The following RHEB variants were observed in gnomAD, a reference collection of about 807,000 sequenced individuals.
RHEB encodes GTP-binding protein Rheb.
Under a neutral mutation model 28.8 loss-of-function variants are expected in RHEB, and 2 were observed. The observed-to-expected ratio is 0.07, with a 90% CI of 0.03 to 0.22. The LOEUF (loss-of-function observed/expected upper bound fraction) is 0.22. Among genes scored for constraint, RHEB ranks in the 10% least tolerant of loss-of-function variants. RHEB has a pLI of 1.00. For synonymous variants in RHEB, 69 were observed against 77.3 expected, an observed-to-expected ratio of 0.89 and a Z score of 0.56; for missense variants, 76 against 219.9, an observed-to-expected ratio of 0.35 and a Z score of 4.14.
chr7:151,496,799 AGACAGAGTCTTGCTCT>A (rs1157488265), intron 1 of RHEB, among the ~76,000 whole-genome samples: 1 of 151,936 alleles, frequency 6.6e-6, no homozygotes, highest in Non-Finnish European at 1.5e-5. Flanking sequence ...TGTTTTTTTG[AGACAGAGTCTTGCTCT>A]GTTGCCCAGG....
intron 3 of RHEB, among the ~76,000 whole-genome samples, chr7:151,479,144 A>G (rs1802326813): frequency 1.3e-5 from 2 of 152,192 alleles, no homozygotes; most frequent in East Asian, 1.9e-4. Context: ...AGACTGAAAA[A>G]TCCAGAAAGA....
At chr7:151,483,662 G>A (rs1247575122) in intron 3 of RHEB, among the ~76,000 whole-genome samples, 1 of 152,182 alleles carries the variant, frequency 6.6e-6, no homozygotes, top group Non-Finnish European at 1.5e-5. Flanking sequence ...GTTGTAGTGG[G>A]ATAGCACCAC....
chr7:151,483,694 G>C (rs1802418578), intron 3 of RHEB, among the ~76,000 whole-genome samples: 1 of 152,138 alleles, frequency 6.6e-6, no homozygotes, highest in African/African-American at 2.4e-5. Flanking sequence ...CTGGGTGACA[G>C]AGCAAGACTC....
intron 1 of RHEB, among the ~76,000 whole-genome samples, chr7:151,513,737 C>G (rs1803029849): frequency 6.6e-6 from 1 of 152,128 alleles, no homozygotes; most frequent in Non-Finnish European, 1.5e-5. Flanking sequence ...TATTCAACTA[C>G]CTGAAAAACT....
At chr7:151,508,013 A>C (rs1802918510) in intron 1 of RHEB, among the ~76,000 whole-genome samples, 1 of 152,200 alleles carries the variant, frequency 6.6e-6, no homozygotes, top group Non-Finnish European at 1.5e-5. Context: ...TTAAAGACAA[A>C]GCTGAGGTGG....
chr7:151,515,686 T>C (rs80251018), intron 1 of RHEB, among the ~76,000 whole-genome samples: 7 of 152,344 alleles, frequency 4.6e-5, no homozygotes, highest in East Asian at 3.9e-4. Context: ...CAACAAATGA[T>C]AGGTTAACTT....
chr7:151,503,561 A>G (rs1802811003), intron 1 of RHEB: 1 of 558,050 alleles, frequency 1.8e-6, no homozygotes, highest in Non-Finnish European at 3.2e-6. Flanking sequence ...CAACTGAAAC[A>G]CTTCCAGAAC....
At chr7:151,508,041 C>T (rs1355389846) in intron 1 of RHEB, among the ~76,000 whole-genome samples, 1 of 152,070 alleles carries the variant, frequency 6.6e-6, no homozygotes, top group African/African-American at 2.4e-5. Flanking sequence ...CAATAATAGC[C>T]CTGATAAACT....
Position 151,519,706 on chromosome 7 carries a change from C to A in RHEB, c.-195G>T, listed in dbSNP as rs2150942905. 1.3e-5 allele frequency: 5 copies of A among 377,170 alleles called. No homozygotes were observed. Among genetic ancestry groups the A allele is most frequent in the Non-Finnish European group, 2.3e-5 (5 of 215,776 alleles). 23.4% of individuals were successfully genotyped at this position (377,170 alleles called of 1,614,324 possible). On this transcript the variant is annotated 5_prime_UTR_variant, in exon 1 of 8. Transcript: ENST00000262187. Reference sequence around the variant, plus strand: ...CCGACCGCGCGGCGGCGCCCCTCCCCCCCACAACACGCCCACGTGACCGGC... The same window carrying A: ...CCGACCGCGCGGCGGCGCCCCTCCCACCCACAACACGCCCACGTGACCGGC...
chr7:151,501,881 G>T, intron 1 of RHEB: 1 of 650,584 alleles, frequency 1.5e-6, no homozygotes, highest in South Asian at 1.4e-5. Flanking sequence ...CAAGAAGATG[G>T]TGGACGACCC....
chr7:151,474,995 G>A (rs7805967), intron 4 of RHEB, among the ~76,000 whole-genome samples: 78,875 of 152,010 alleles, frequency 0.52, 20,805 homozygotes, highest in South Asian at 0.65. Flanking sequence ...ATGAGTTACT[G>A]AGGTAAAAGG....
At chr7:151,476,853 G>C (rs1449029674) in intron 4 of RHEB, among the ~76,000 whole-genome samples, 2 of 152,320 alleles carry the variant, frequency 1.3e-5, no homozygotes, top group East Asian at 1.9e-4. Flanking sequence ...TACGTAGCTA[G>C]AGGAACCGAT....
chr7:151,471,692 A>G (rs768649537), intron 4 of RHEB, 87 bp from the exon 5 acceptor site: 11 of 830,424 alleles, frequency 1.3e-5, no homozygotes, highest in Non-Finnish European at 2.2e-5. Flanking sequence ...AAAAATGTAA[A>G]ATGTCACAGA....
intron 3 of RHEB, among the ~76,000 whole-genome samples, chr7:151,480,685 TATTA>T (rs1159047259): frequency 4.7e-5 from 7 of 149,786 alleles, no homozygotes; most frequent in Admixed American, 6.6e-5. Context: ...TATTATTAAT[TATTA>T]TTTTTTTTTT....
chr7:151,498,966 A>G (rs1802721040), intron 1 of RHEB, among the ~76,000 whole-genome samples: 1 of 152,252 alleles, frequency 6.6e-6, no homozygotes, highest in Non-Finnish European at 1.5e-5. Flanking sequence ...TATCTGTTAA[A>G]CAGCTATTAA....
At chr7:151,503,052 GA>G in intron 1 of RHEB, 1 of 790,436 alleles carries the variant, frequency 1.3e-6, no homozygotes, top group South Asian at 1.3e-5. Context: ...CAGGACACGC[GA>G]AAGTACTGTT....
intron 3 of RHEB, among the ~76,000 whole-genome samples, chr7:151,478,739 G>A (rs1802320043): frequency 6.6e-6 from 1 of 152,112 alleles, no homozygotes; most frequent in East Asian, 1.9e-4. Context: ...AGGTTCAAGC[G>A]ATTCTCCTGC....
At chr7:151,518,269 T>C (rs923652861) in intron 1 of RHEB, among the ~76,000 whole-genome samples, 2 of 152,130 alleles carry the variant, frequency 1.3e-5, no homozygotes, top group Non-Finnish European at 2.9e-5. Flanking sequence ...CAGTGGCTGA[T>C]CTTGGTCAAA....
chr7:151,493,482 ACACTC>A (rs1802620911), intron 1 of RHEB, among the ~76,000 whole-genome samples: 1 of 152,204 alleles, frequency 6.6e-6, no homozygotes, highest in Non-Finnish European at 1.5e-5. Flanking sequence ...CATTTAGTGA[ACACTC>A]CACTGAAGCC....
Sources: gnomAD v4.1 joint callset for allele counts (sites outside exome capture counted in the v4.1 genomes callset) on GRCh38, gnomAD v4.1.1 for gene constraint, MANE v1.5 for transcripts, NCBI Gene and HGNC (gene_info 2026-07-23, HGNC 2026-07-21) for gene names.